The following CDC42BPA variants were observed in gnomAD, a reference collection of about 807,000 sequenced individuals.
CDC42BPA encodes the protein CDC42 binding protein kinase alpha, also known as serine/threonine-protein kinase MRCK alpha.
In CDC42BPA, 80 loss-of-function variants were observed where a neutral mutation model predicts 223.5. That is an observed-to-expected ratio of 0.36 (90% CI 0.30 to 0.43). CDC42BPA has a LOEUF of 0.43. Among genes scored for constraint, CDC42BPA ranks in the 20% least tolerant of loss-of-function variants. The pLI is 1.00. For missense variants in CDC42BPA, 1,743 were observed against 2,099.9 expected, an observed-to-expected ratio of 0.83 and a Z score of 3.32; for synonymous variants, 694 against 718.6, an observed-to-expected ratio of 0.97 and a Z score of 0.55.
intron 34 of CDC42BPA, among the ~76,000 whole-genome samples, chr1:227,012,255 T>G (rs965756224): frequency 6.6e-6 from 1 of 152,210 alleles, no homozygotes; most frequent in African/African-American, 2.4e-5. Context: ...AAAGTATTAT[T>G]CTTGCATCCA....
chr1:227,176,820 T>C (rs1667031634), intron 5 of CDC42BPA, among the ~76,000 whole-genome samples: 1 of 152,138 alleles, frequency 6.6e-6, no homozygotes, highest in Non-Finnish European at 1.5e-5. Flanking sequence ...TTTGATAACA[T>C]TTGTACATGT....
At chr1:227,232,970 T>A (rs1187985032) in intron 2 of CDC42BPA, among the ~76,000 whole-genome samples, 1 of 152,144 alleles carries the variant, frequency 6.6e-6, no homozygotes, top group Non-Finnish European at 1.5e-5. Context: ...CGGACACGCC[T>A]CCCCGAGCCT....
chr1:227,090,401 T>C (rs1255425354), intron 16 of CDC42BPA, among the ~76,000 whole-genome samples: 1 of 152,204 alleles, frequency 6.6e-6, no homozygotes, highest in Non-Finnish European at 1.5e-5. Context: ...GAATAACTAA[T>C]AATTGAACAT....
At chr1:227,019,390 T>G (rs1666942365) in intron 32 of CDC42BPA, among the ~76,000 whole-genome samples, 1 of 152,214 alleles carries the variant, frequency 6.6e-6, no homozygotes, top group African/African-American at 2.4e-5. Flanking sequence ...TTCACTGATT[T>G]CTGGAACCTC....
At position 226,994,271 on chromosome 1, in the gene CDC42BPA, CGGGTCCCAGCT is replaced by C; in HGVS notation, c.5251_5261del (p.Ser1751ValfsTer61). 1.3e-6 allele frequency: 2 copies of C among 1,577,216 alleles called. No homozygotes were observed. The highest frequency in any genetic ancestry group is 1.7e-6 in the Non-Finnish European group (2 of 1,159,396). On this transcript the variant is annotated frameshift_variant, in exon 37 of 37. Transcript: ENST00000366766. LOFTEE classifies it high-confidence loss of function. This position sits in a 1 kb window ranked among gnomAD's most constrained non-coding sequence, Gnocchi z 4.0. ...GAGGTCCCAGTGCTGAGGCAGCTCA[CGGGTCCCAGCT>C]CCCGCGGTCAGTGCTCTCCAGGGAG...
chr1:227,060,623 G>A (rs1444077548), intron 21 of CDC42BPA, among the ~76,000 whole-genome samples: 1 of 149,288 alleles, frequency 6.7e-6, no homozygotes, highest in Non-Finnish European at 1.5e-5. Flanking sequence ...AGTTATAGAA[G>A]ATTTAAGAAA....
At chr1:227,068,631 T>G (rs1194946551) in intron 21 of CDC42BPA, 6 of 1,106,188 alleles carry the variant, frequency 5.4e-6, no homozygotes, top group Non-Finnish European at 6.9e-6. Context: ...AAGGATGCAT[T>G]GGTTTGAAAA....
chr1:227,092,007 A>C lies in CDC42BPA; in HGVS notation c.2250-16T>G. 7.1e-7 allele frequency: 1 copy of C among 1,411,654 alleles called. No individual in the cohort carries two copies. Among genetic ancestry groups the C allele is most frequent in the South Asian group, 1.3e-5 (1 of 79,832 alleles). 87.4% of individuals were successfully genotyped at this position (1,411,654 alleles called of 1,614,324 possible). The stretch of plus-strand genomic sequence containing the variant: ...TTCACTTTGACTAACACAATTCAAA[A>C]CACAAAAGGAAAAAGGGGAATTAAA... On this transcript the variant is annotated splice_polypyrimidine_tract_variant and intron_variant, in intron 15 of 36. Transcript: ENST00000366766.
Position 227,267,443 on chromosome 1 carries a change from G to A in CDC42BPA, c.179-13288C>T, listed in dbSNP as rs138770080. On this transcript the variant is annotated intron_variant, in intron 1 of 36. Coordinates refer to ENST00000366766, the MANE Select transcript of CDC42BPA (RefSeq NM_001394014.1). ...GCTGGCCCTTAAGCATTTAAAAAAT[G>A]TACAACCCAATCTATATCATGTCAT... Among the ~76,000 whole-genome samples, 48 of 152,218 alleles carry A rather than the reference G, an allele frequency of 3.2e-4. 1 individual carries two copies. The East Asian group carries it at 8.7e-3, about 28-fold the overall frequency.
At chr1:227,099,157 ATACT>A (rs955041080) in intron 15 of CDC42BPA, among the ~76,000 whole-genome samples, 8 of 152,130 alleles carry the variant, frequency 5.3e-5, no homozygotes, top group Non-Finnish European at 7.4e-5. Context: ...ACAGTACCTA[ATACT>A]TAATAATAAA....
chr1:227,132,053 C>A (rs1356777404), intron 10 of CDC42BPA, among the ~76,000 whole-genome samples: 1 of 78,470 alleles, frequency 1.3e-5, no homozygotes, highest in Admixed American at 1.2e-4. Flanking sequence ...GTGTGAAACT[C>A]TCTCTCATGT....
chr1:227,064,215 G>C (rs1676515085), intron 21 of CDC42BPA, among the ~76,000 whole-genome samples: 2 of 152,098 alleles, frequency 1.3e-5, no homozygotes, highest in African/African-American at 4.8e-5. Context: ...AAACCAAGTT[G>C]AGTACATTCT....
intron 32 of CDC42BPA, among the ~76,000 whole-genome samples, chr1:227,017,823 T>C (rs1167371872): frequency 6.6e-6 from 1 of 152,016 alleles, no homozygotes; most frequent in Non-Finnish European, 1.5e-5. Flanking sequence ...ACAAATGGTG[T>C]CATTATCTAA....
chr1:227,055,236 G>A (rs1674314767), intron 21 of CDC42BPA, among the ~76,000 whole-genome samples: 1 of 152,022 alleles, frequency 6.6e-6, no homozygotes, highest in Admixed American at 6.5e-5. Flanking sequence ...ATAGATTTAA[G>A]TATTTCATTT....
chr1:227,043,572 G>A, intron 23 of CDC42BPA, among the ~76,000 whole-genome samples: 1 of 151,958 alleles, frequency 6.6e-6, no homozygotes, highest in African/African-American at 2.4e-5. Context: ...AACAAACTAA[G>A]TTAATATTTA....
At chr1:227,118,702 C>T (rs925548304) in intron 12 of CDC42BPA, among the ~76,000 whole-genome samples, 5 of 151,972 alleles carry the variant, frequency 3.3e-5, no homozygotes, top group African/African-American at 7.3e-5. Flanking sequence ...GGAAGCATAA[C>T]GCCGATTATG....
At chr1:227,136,104 A>C (rs1658518481) in intron 10 of CDC42BPA, among the ~76,000 whole-genome samples, 1 of 152,146 alleles carries the variant, frequency 6.6e-6, no homozygotes, top group African/African-American at 2.4e-5. Flanking sequence ...AGTTGTTGAA[A>C]GTAACAGATA....
At chr1:227,113,408 C>T (rs1205398885) in intron 12 of CDC42BPA, among the ~76,000 whole-genome samples, 2 of 152,106 alleles carry the variant, frequency 1.3e-5, no homozygotes, top group Non-Finnish European at 2.9e-5. Context: ...AAAGGAAATG[C>T]AAATTTTCTT....
intron 15 of CDC42BPA, among the ~76,000 whole-genome samples, chr1:227,098,267 GA>G (rs140114968): frequency 0.13 from 19,604 of 151,806 alleles, 1,341 homozygotes; most frequent in East Asian, 0.26. Context: ...TCAGTTCTAA[GA>G]AATTTTTTTC....
Sources: allele counts gnomAD v4.1 joint callset (sites outside exome capture counted in the v4.1 genomes callset), GRCh38; gene constraint gnomAD v4.1.1; non-coding constraint Gnocchi (gnomAD v3.1); transcripts MANE v1.5; gene names NCBI Gene and HGNC (gene_info 2026-07-23, HGNC 2026-07-21).